Variants in ALOX5AP observed in about 807,000 individuals in gnomAD.
ALOX5AP encodes arachidonate 5-lipoxygenase-activating protein.
ALOX5AP carries 9 observed loss-of-function variants against 18.5 expected under a neutral mutation model. The ratio of observed to expected loss-of-function variants is 0.49; its 90% CI spans 0.29 to 0.85. The LOEUF (loss-of-function observed/expected upper bound fraction) is 0.85. Ranked by LOEUF, ALOX5AP falls within the 40% of genes least tolerant of loss-of-function variation. The probability of loss-of-function intolerance (pLI) is 0.08; values close to 1 mark genes in which losing one functional copy is unlikely to be tolerated. For missense variants in ALOX5AP, 172 were observed against 202.5 expected, an observed-to-expected ratio of 0.85 and a Z score of 0.91; for synonymous variants, 81 against 78.6, an observed-to-expected ratio of 1.03 and a Z score of -0.16.
At chr13:30,729,647 G>T (rs749494358) in intron 1 of ALOX5AP, among the ~76,000 whole-genome samples, 1 of 148,840 alleles carries the variant, frequency 6.7e-6, no homozygotes, top group Non-Finnish European at 1.5e-5. Context: ...CGTGATCCCA[G>T]CTCACTGCAA....
rs187842988 is a variant in ALOX5AP at position 30,713,962 on chromosome 13, A to C, written c.116+121A>C. Reference sequence around the variant, plus strand: ...TTTAAGAACCGAGGCTCCCAGAAGCAGTATTGGGCAGCTAGAGTGGCCCCA... The same window carrying C: ...TTTAAGAACCGAGGCTCCCAGAAGCCGTATTGGGCAGCTAGAGTGGCCCCA... On this transcript the variant is annotated intron_variant, in intron 1 of 5. Transcript: ENST00000617770. The C allele has an allele frequency of 2.4e-4, 258 of 1,078,958 alleles. 2 individuals carry two copies. The African/African-American group carries it at 2.4e-3, about 10-fold the overall frequency. 66.8% of individuals were successfully genotyped at this position (1,078,958 alleles called of 1,614,324 possible).
chr13:30,717,410 T>A (rs1951558407), intron 1 of ALOX5AP, among the ~76,000 whole-genome samples: 1 of 152,190 alleles, frequency 6.6e-6, no homozygotes, highest in Non-Finnish European at 1.5e-5. Flanking sequence ...TCTGATGCTG[T>A]CTACTGGGAG....
chr13:30,721,766 C>T (rs1366373830), intron 1 of ALOX5AP, among the ~76,000 whole-genome samples: 1 of 152,056 alleles, frequency 6.6e-6, no homozygotes, highest in East Asian at 1.9e-4. Flanking sequence ...GAGGCATGGC[C>T]CTTTGGGATG....
chr13:30,717,131 A>G (rs539837618), intron 1 of ALOX5AP, among the ~76,000 whole-genome samples: 1 of 152,282 alleles, frequency 6.6e-6, no homozygotes, highest in South Asian at 2.1e-4. Flanking sequence ...ACCATGACCC[A>G]ATGTCCCCGG....
chr13:30,727,099 G>A (rs993266227), intron 1 of ALOX5AP, among the ~76,000 whole-genome samples: 4 of 151,474 alleles, frequency 2.6e-5, no homozygotes, highest in African/African-American at 9.7e-5. Context: ...TGTGGCCCAG[G>A]CTGCAGTGCA....
At chr13:30,737,197 TGAACCCA>T (rs1451365703) in intron 1 of ALOX5AP, among the ~76,000 whole-genome samples, 13 of 152,240 alleles carry the variant, frequency 8.5e-5, no homozygotes, top group Admixed American at 8.5e-4. Flanking sequence ...CAGTTGGGGC[TGAACCCA>T]GCTACGAAGT....
intron 4 of ALOX5AP, among the ~76,000 whole-genome samples, chr13:30,762,102 A>G (rs2137834688): frequency 6.6e-6 from 1 of 152,268 alleles, no homozygotes; most frequent in African/African-American, 2.4e-5. Context: ...TGCTTTTCTG[A>G]TGTGAGTGGG....
chr13:30,722,142 A>G (rs754340281), intron 1 of ALOX5AP, among the ~76,000 whole-genome samples: 8 of 152,252 alleles, frequency 5.3e-5, no homozygotes, highest in Non-Finnish European at 1.0e-4. Context: ...GGGATTTCCA[A>G]GAAAGCTCGT....
intron 4 of ALOX5AP, among the ~76,000 whole-genome samples, chr13:30,760,597 A>C (rs1951933550): frequency 6.6e-6 from 1 of 152,258 alleles, no homozygotes; most frequent in African/African-American, 2.4e-5. Flanking sequence ...GTCTGAAGGC[A>C]TCCTTTGCCC....
chr13:30,761,579 A>G (rs1951941442), intron 4 of ALOX5AP, among the ~76,000 whole-genome samples: 1 of 152,184 alleles, frequency 6.6e-6, no homozygotes, highest in African/African-American at 2.4e-5. Flanking sequence ...CTCTGTACTC[A>G]TCTGCTGGCG....
At chr13:30,754,443 A>C (rs1280096007) in intron 3 of ALOX5AP, among the ~76,000 whole-genome samples, 1 of 152,214 alleles carries the variant, frequency 6.6e-6, no homozygotes, top group African/African-American at 2.4e-5. Context: ...ATTGTAAAAC[A>C]GGACCATGGT....
At chr13:30,726,536 A>C (rs1030721818) in intron 1 of ALOX5AP, among the ~76,000 whole-genome samples, 9 of 152,188 alleles carry the variant, frequency 5.9e-5, no homozygotes, top group South Asian at 2.1e-4. Flanking sequence ...ATTCATGAAC[A>C]TGGGGAATTC....
upstream of ALOX5AP, among the ~76,000 whole-genome samples, chr13:30,734,409 C>T (rs1951704882): frequency 2.0e-5 from 3 of 152,218 alleles, no homozygotes; most frequent in Admixed American, 2.0e-4. Context: ...CCACTAGTTA[C>T]AGTGGTCCAT....
At chr13:30,750,413 T>C (rs956814808) in intron 2 of ALOX5AP, among the ~76,000 whole-genome samples, 3 of 152,230 alleles carry the variant, frequency 2.0e-5, no homozygotes, top group Non-Finnish European at 4.4e-5. Context: ...CTGTTTTTCA[T>C]GGATGGGCAT....
At chr13:30,753,734 GC>G (rs1412392755) in intron 3 of ALOX5AP, among the ~76,000 whole-genome samples, 1 of 152,218 alleles carries the variant, frequency 6.6e-6, no homozygotes, top group East Asian at 1.9e-4. Flanking sequence ...GGTGCCAGCA[GC>G]CCACTTCCCT....
Position 30,755,984 on chromosome 13 carries a change from G to T in ALOX5AP, c.282G>T (p.Arg94Ser), listed in dbSNP as rs1489183133. The change falls in exon 4 of 5, where the codon AGG (arginine) becomes AGT (serine). Residue 94 changes from arginine (R) to serine (S), a missense_variant. Transcript: ENST00000380490. ...CTGGACTGATGTACTTGTTTGTGAG[G>T]CAAAAGTACTTTGTCGGTTACCTAG... Reference protein sequence around the residue: ...AFAGLMYLFVRQKYFVGYLGE... With the variant: ...AFAGLMYLFVSQKYFVGYLGE... 1 of 1,614,142 alleles carries T rather than the reference G, an allele frequency of 6.2e-7. No individual in the cohort carries two copies. Among genetic ancestry groups the T allele is most frequent in the Non-Finnish European group, 8.5e-7 (1 of 1,179,988 alleles).
intron 1 of ALOX5AP, among the ~76,000 whole-genome samples, chr13:30,742,861 C>G (rs941121101): frequency 1.1e-4 from 1 of 9,300 alleles, no homozygotes; most frequent in Non-Finnish European, 2.8e-4. Flanking sequence ...CCTTCACCGC[C>G]CCCCCCCCAC....
At chr13:30,717,862 C>T (rs1220402896) in intron 1 of ALOX5AP, among the ~76,000 whole-genome samples, 1 of 152,102 alleles carries the variant, frequency 6.6e-6, no homozygotes, top group Non-Finnish European at 1.5e-5. Context: ...GGTTTTAAGA[C>T]CCACAGTCAG....
intron 3 of ALOX5AP, among the ~76,000 whole-genome samples, chr13:30,752,818 T>A (rs1361008664): frequency 6.6e-6 from 1 of 152,238 alleles, no homozygotes; most frequent in East Asian, 1.9e-4. Flanking sequence ...CTCCCCGCTC[T>A]GTAAAGTAGA....
Sources: allele counts gnomAD v4.1 joint callset (sites outside exome capture counted in the v4.1 genomes callset), GRCh38; gene constraint gnomAD v4.1.1; transcripts MANE v1.5; gene names NCBI Gene and HGNC (gene_info 2026-07-23, HGNC 2026-07-21).